Variants in MAP4K5 observed in about 807,000 individuals in gnomAD.
MAP4K5 encodes the protein mitogen-activated protein kinase kinase kinase kinase 5, also known as MAPK/ERK kinase kinase kinase 5.
Under a neutral mutation model 135.6 loss-of-function variants are expected in MAP4K5, and 82 were observed. That is an observed-to-expected ratio of 0.60 (90% CI 0.51 to 0.73). MAP4K5 has a LOEUF of 0.73. MAP4K5 is among the 30% of genes least tolerant of loss of function. The probability of loss-of-function intolerance (pLI) is 0.00; values close to 1 mark genes in which losing one functional copy is unlikely to be tolerated. For synonymous variants in MAP4K5, 347 were observed against 335.0 expected (o/e 1.04, Z -0.39); for missense variants, 907 against 1,010.9 (o/e 0.90, Z 1.39).
At chr14:50,504,948 C>T in intron 2 of MAP4K5, 91 bp from the exon 3 acceptor site, 2 of 713,584 alleles carry the variant, frequency 2.8e-6, no homozygotes, top group South Asian at 4.4e-5. Context: ...GCTTATCAAC[C>T]ATACTTTTAT....
chr14:50,494,485 T>C (rs1248207769), intron 3 of MAP4K5, among the ~76,000 whole-genome samples: 1 of 152,104 alleles, frequency 6.6e-6, no homozygotes, highest in African/African-American at 2.4e-5. Context: ...ATTACTAAGA[T>C]GTCAATACTA....
At chr14:50,549,624 C>A (rs116573272) in intron 1 of MAP4K5, among the ~76,000 whole-genome samples, 1 of 152,274 alleles carries the variant, frequency 6.6e-6, no homozygotes, top group African/African-American at 2.4e-5. Context: ...CTCTTAGTTT[C>A]ATATATGGCA....
intron 1 of MAP4K5, among the ~76,000 whole-genome samples, chr14:50,547,277 T>C (rs182695027): frequency 3.3e-5 from 5 of 152,282 alleles, no homozygotes; most frequent in African/African-American, 1.2e-4. Flanking sequence ...TAATTTAAAA[T>C]CTTAAAATTA....
intron 28 of MAP4K5, among the ~76,000 whole-genome samples, chr14:50,431,516 T>C (rs1029919639): frequency 6.6e-6 from 1 of 152,114 alleles, no homozygotes; most frequent in Admixed American, 6.6e-5. Context: ...GGTTTTTTGT[T>C]CTTGCGATAG....
rs1193298247 is a variant in MAP4K5, at chr14:50,419,745, T to C, written c.*274A>G. On this transcript the variant is annotated 3_prime_UTR_variant, in exon 33 of 33. Coordinates refer to ENST00000682126, the MANE Select transcript of MAP4K5 (RefSeq NM_006575.6). ...GCACCCTTGTTACAAACATTGTTTT[T>C]TTTAAAAAAAGACTGTGTTTCCTGG... 9.7e-6 allele frequency: 3 copies of C among 307,754 alleles called. No individual in the cohort carries two copies. The highest frequency in any genetic ancestry group is 1.0e-4 in the East Asian group (2 of 19,126). 19.1% of individuals were successfully genotyped at this position (307,754 alleles called of 1,614,324 possible). A position where few individuals can be genotyped will look rare whatever the true frequency, so the allele number is the denominator to read the frequency against.
At chr14:50,522,450 C>A (rs2140095527) in intron 2 of MAP4K5, among the ~76,000 whole-genome samples, 1 of 152,236 alleles carries the variant, frequency 6.6e-6, no homozygotes, top group Middle Eastern at 3.4e-3. Context: ...ATAAGCCTAC[C>A]TCTGAACAGT....
intron 6 of MAP4K5, among the ~76,000 whole-genome samples, 173 bp downstream of exon 6, chr14:50,482,188 C>T (rs1254196385): frequency 1.3e-5 from 2 of 152,160 alleles, no homozygotes; most frequent in Non-Finnish European, 2.9e-5. Context: ...AGAAAAATAA[C>T]TAGTTTTACA....
At chr14:50,490,992 GGAGT>G (rs2037471900) in intron 3 of MAP4K5, among the ~76,000 whole-genome samples, 1 of 152,178 alleles carries the variant, frequency 6.6e-6, no homozygotes, top group Non-Finnish European at 1.5e-5. Flanking sequence ...GGGATGAACT[GGAGT>G]AAGTCGGTTG....
At chr14:50,455,023 A>G (rs929452499) in intron 14 of MAP4K5, among the ~76,000 whole-genome samples, 1 of 151,918 alleles carries the variant, frequency 6.6e-6, no homozygotes, top group Non-Finnish European at 1.5e-5. Flanking sequence ...TAGAATTTCC[A>G]GAATAGAATA....
chr14:50,526,205 C>A (rs541101380), intron 2 of MAP4K5, among the ~76,000 whole-genome samples: 36 of 152,340 alleles, frequency 2.4e-4, no homozygotes, highest in African/African-American at 8.2e-4. Flanking sequence ...TCTCTCCCTT[C>A]CTTCATCCCC....
rs778105181 is a variant in MAP4K5, at chr14:50,445,164, A to G, written c.1216T>C (p.Phe406Leu). Residue 406 changes from phenylalanine (F) to leucine (L), a missense_variant, in exon 18 of 33, where the codon TTT becomes CTT. Coordinates refer to ENST00000682126, the MANE Select transcript of MAP4K5 (RefSeq NM_006575.6). ...PRISSYPEDN[F>L]PDEEKASTIK... is the part of the protein sequence containing the mutation. ...GTTGATGCTTTTTCTTCATCCGGAAAGTTGTCTTCAGGGTAACTGCTTATC... is the reference window on the plus strand; with the variant it reads ...GTTGATGCTTTTTCTTCATCCGGAAGGTTGTCTTCAGGGTAACTGCTTATC... 148 of 1,613,382 alleles carry G rather than the reference A, an allele frequency of 9.2e-5. No homozygotes were observed. The highest frequency in any genetic ancestry group is 1.2e-4 in the Non-Finnish European group (139 of 1,179,630).
rs2036082649 is a variant in MAP4K5 at position 50,435,987 on chromosome 14, A to AT, written c.1883-923dup. Among the ~76,000 whole-genome samples the AT allele has an allele frequency of 2.0e-5, 3 of 152,184 alleles. No individual in the cohort carries two copies. The South Asian group carries it at 6.2e-4, about 32-fold the overall frequency. ...GAATCTGATAATAGATATTGACATG[A>AT]TTCTCCCTAGAAAAATAATATTTAT... On this transcript the variant is annotated intron_variant, in intron 26 of 32. Transcript: ENST00000682126.
chr14:50,466,922 G>A (rs2036846094), intron 10 of MAP4K5, among the ~76,000 whole-genome samples: 2 of 152,074 alleles, frequency 1.3e-5, no homozygotes, highest in East Asian at 1.9e-4. Context: ...TGTTACATAT[G>A]TAACTAGTAT....
In MAP4K5 at chr14:50,428,738, T is replaced by C. The variant is rs1595420876; in HGVS notation, c.2250A>G (p.Val750=). The part of the protein sequence containing the change: ...LVCLDKFVKI[V]NLQGKLKSSK... ...TTGATTTTAATTTTCCTTGTAGATTTACAATTTTCACAAATTCTTAAAAAA... is the reference window on the plus strand; with the variant it reads ...TTGATTTTAATTTTCCTTGTAGATTCACAATTTTCACAAATTCTTAAAAAA... Residue 750 remains valine (V), a synonymous_variant, in exon 30 of 33, where the codon GTA becomes GTG. Coordinates refer to ENST00000682126, the MANE Select transcript of MAP4K5 (RefSeq NM_006575.6). 1.4e-6 allele frequency: 2 copies of C among 1,480,298 alleles called. No homozygotes were observed. The highest frequency in any genetic ancestry group is 5.0e-5 in the East Asian group (2 of 40,064). The allele number at this position is 1,480,298 out of a possible 1,614,324, so 91.7% of individuals were successfully genotyped here. A position where few individuals can be genotyped will look rare whatever the true frequency, so the allele number is the denominator to read the frequency against.
intron 31 of MAP4K5, among the ~76,000 whole-genome samples, 162 bp from the exon 32 acceptor site, chr14:50,423,338 T>C (rs576913631): frequency 6.6e-6 from 1 of 151,740 alleles, no homozygotes; most frequent in African/African-American, 2.4e-5. Context: ...TGCATATTAT[T>C]AGAAATGAAC....
rs748079995 is a variant in MAP4K5 at position 50,476,225 on chromosome 14, G to C, written c.426+34C>G. Reference sequence around the variant, plus strand: ...TAGCATCATAAAATTTCTTCCAATAGAATTGGCAATTTAAATGTATTAAAT... The same window carrying C: ...TAGCATCATAAAATTTCTTCCAATACAATTGGCAATTTAAATGTATTAAAT... On this transcript the variant is annotated intron_variant, in intron 7 of 32. Coordinates refer to ENST00000682126, the MANE Select transcript of MAP4K5 (RefSeq NM_006575.6). The C allele has an allele frequency of 3.0e-5, 45 of 1,476,596 alleles. No homozygotes were observed. In the Admixed American group the frequency reaches 1.0e-3, roughly 33 times the overall value. 91.5% of individuals were successfully genotyped at this position (1,476,596 alleles called of 1,614,324 possible).
intron 12 of MAP4K5, among the ~76,000 whole-genome samples, chr14:50,463,139 GA>G (rs1310346694): frequency 4.6e-5 from 7 of 151,984 alleles, no homozygotes; most frequent in Non-Finnish European, 8.8e-5. Context: ...ATCACAATAA[GA>G]AAAAAGCATG....
chr14:50,506,723 T>G (rs2037817548), intron 2 of MAP4K5, among the ~76,000 whole-genome samples: 1 of 151,660 alleles, frequency 6.6e-6, no homozygotes, highest in Non-Finnish European at 1.5e-5. Flanking sequence ...TCACTAAATC[T>G]ACTGAATAGG....
intron 32 of MAP4K5, among the ~76,000 whole-genome samples, chr14:50,422,160 T>G (rs1047287155): frequency 4.6e-5 from 7 of 152,182 alleles, no homozygotes; most frequent in African/African-American, 1.7e-4. Context: ...AGTTCTTTTC[T>G]CAGCCCTTCC....
Sources: allele counts gnomAD v4.1 joint callset (sites outside exome capture counted in the v4.1 genomes callset), GRCh38; gene constraint gnomAD v4.1.1; transcripts MANE v1.5; gene names NCBI Gene and HGNC (gene_info 2026-07-23, HGNC 2026-07-21).